Variants in PRRG3 observed in about 807,000 individuals in gnomAD.
PRRG3 encodes proline rich and Gla domain 3.
PRRG3 carries 21 observed loss-of-function variants against 15.8 expected under a neutral mutation model. That is an observed-to-expected ratio of 1.33 (90% CI 0.94 to 1.92). PRRG3 has a LOEUF of 1.92. Among genes scored for constraint, PRRG3 ranks in the 40% most tolerant of loss-of-function variants. PRRG3 has a pLI of 0.00. For synonymous variants in PRRG3, 125 were observed against 84.1 expected (o/e 1.49, Z -2.66); for missense variants, 251 against 200.2 (o/e 1.25, Z -1.53).
At chrX:151,695,061 A>C (rs2014732676), upstream of PRRG3, 1 of 107,838 alleles carries the variant, frequency 9.3e-6, no homozygotes, top group African/African-American at 3.3e-5. Context: ...CCCTCGGCCC[A>C]CTCCGTCGCC....
At position 151,700,535 on chromosome X, in the gene PRRG3, A is replaced by T; in HGVS notation, c.198A>T (p.Ala66=). ...AGTTCTGGAAAGGGTACCCAAATGC[A>T]GTCTACTCTGTCCGAGACCCCTCGC... ...TMEFWKGYPN[A]VYSVRDPSQS... is the part of the protein sequence containing the mutation. The change falls in exon 4 of 4, where the codon GCA becomes GCT. Residue 66 remains alanine, a synonymous_variant. Transcript: ENST00000674457. 8.4e-7 allele frequency: 1 copy of T among 1,196,005 alleles called. No individual in the cohort carries two copies. Among genetic ancestry groups the T allele is most frequent in the African/African-American group, 1.7e-5 (1 of 57,335 alleles).
At chrX:151,695,773 AG>A (rs1736420283) in intron 1 of PRRG3, among the ~76,000 whole-genome samples, 1 of 111,757 alleles carries the variant, frequency 8.9e-6, no homozygotes, top group Admixed American at 9.4e-5. Context: ...CTGAGTGGAA[AG>A]GGACAAGGGG....
chrX:151,699,678 A>G (rs1342931872), intron 2 of PRRG3, among the ~76,000 whole-genome samples: 2 of 112,913 alleles, frequency 1.8e-5, no homozygotes, highest in African/African-American at 6.4e-5. Context: ...CCTACTTACA[A>G]TTCTTATTCT....
At position 151,703,594 on chromosome X, in the gene PRRG3, C is replaced by T. The variant is rs1305890257; in HGVS notation, c.*2561C>T. ...TCCGGTCTGAAAAGAGGAATGTCAC[C>T]TCCCCTCGCAGGGCTGAGTAGCCTG... On this transcript the variant is annotated 3_prime_UTR_variant, in exon 4 of 4. Coordinates refer to ENST00000674457, the MANE Select transcript of PRRG3 (RefSeq NM_001372163.1). 1 of 110,780 alleles carries T rather than the reference C, an allele frequency of 9.0e-6. No individual in the cohort carries two copies. Among genetic ancestry groups the T allele is most frequent in the Non-Finnish European group, 1.9e-5 (1 of 52,992 alleles). The allele number at this position is 110,780 out of a possible 1,213,427, so 9.1% of individuals were successfully genotyped here. A position where few individuals can be genotyped will look rare whatever the true frequency, so the allele number is the denominator to read the frequency against.
chrX:151,699,771 G>A (rs1294854965), intron 2 of PRRG3, among the ~76,000 whole-genome samples: 1 of 112,778 alleles, frequency 8.9e-6, no homozygotes, highest in Non-Finnish European at 1.9e-5. Context: ...ACCTTGTTGG[G>A]GCTGTGGTAT....
Position 151,700,102 on chromosome X carries a change from G to A in PRRG3, c.114G>A (p.Glu38=), listed in dbSNP as rs1425573717. 1.6e-6 allele frequency: 2 copies of A among 1,212,170 alleles called. No homozygotes were observed. The highest frequency in any genetic ancestry group is 1.1e-6 in the Non-Finnish European group (1 of 895,621). Residue 38 remains glutamate (E), a synonymous_variant, in exon 3 of 4, where the codon GAG becomes GAA. Coordinates refer to ENST00000674457, the MANE Select transcript of PRRG3 (RefSeq NM_001372163.1). ...GCACCATCGAGCGAGAGTGCATGGA[G>A]GAGATCTGCAGCTACGAGGAGGTCA... ...RQGTIERECM[E]EICSYEEVKE...
At chrX:151,695,395 A>T (rs1328931097), upstream of PRRG3, 1 of 66,686 alleles carries the variant, frequency 1.5e-5, no homozygotes, top group Non-Finnish European at 2.9e-5. Context: ...GAGGGGAGGA[A>T]GGGAGGGAGG....
At position 151,700,910 on chromosome X, in the gene PRRG3, C is replaced by G; in HGVS notation, c.573C>G (p.Pro191=). 3 of 1,210,849 alleles carry G rather than the reference C, an allele frequency of 2.5e-6. No individual in the cohort carries two copies. Among genetic ancestry groups the G allele is most frequent in the South Asian group, 3.5e-5 (2 of 56,840 alleles). Residue 191 remains proline, a synonymous_variant, in exon 4 of 4, where the codon CCC becomes CCG. Coordinates refer to ENST00000674457, the MANE Select transcript of PRRG3 (RefSeq NM_001372163.1). The stretch of plus-strand genomic sequence containing the variant: ...CCAGACTGTCCAGCACCACCCCTCC[C>G]CCCTCCTACGAGGAGGTGACTGCGC... ...SLSRLSSTTP[P]PSYEEVTAPQ... is the part of the protein sequence containing the mutation.
rs1432373909 is a variant in PRRG3 at position 151,702,174 on chromosome X, C to G, written c.*1141C>G. ...CATCCTCCTGACCTCAACACCAAAC[C>G]ATTTCTCCTCTGTGGTGCTTTAAAA... is the stretch of plus-strand genomic sequence containing the variant. On this transcript the variant is annotated 3_prime_UTR_variant, in exon 4 of 4. Coordinates refer to ENST00000674457, the MANE Select transcript of PRRG3 (RefSeq NM_001372163.1). 8.9e-6 allele frequency: 1 copy of G among 112,295 alleles called. No individual in the cohort carries two copies. Among genetic ancestry groups the G allele is most frequent in the African/African-American group, 3.2e-5 (1 of 30,873 alleles). The allele number at this position is 112,295 out of a possible 1,213,427, so 9.3% of individuals were successfully genotyped here.
At chrX:151,694,868 T>G (rs2014728155), upstream of PRRG3, among the ~76,000 whole-genome samples, 1 of 111,169 alleles carries the variant, frequency 9.0e-6, no homozygotes, top group African/African-American at 3.2e-5. Context: ...ACGCCTTGGG[T>G]CACGACTGGA....
In PRRG3 at chrX:151,704,203, C is replaced by G. The variant is rs1368630596; in HGVS notation, c.*3170C>G. On this transcript the variant is annotated 3_prime_UTR_variant, in exon 4 of 4. Transcript: ENST00000674457. ...GGGGTGCACAGGTGCCTGGCGTGTACACACCACCCACACAGCTGCGTCCAG... is the reference window on the plus strand; with the variant it reads ...GGGGTGCACAGGTGCCTGGCGTGTAGACACCACCCACACAGCTGCGTCCAG... 3 of 109,612 alleles carry G rather than the reference C, an allele frequency of 2.7e-5. No homozygotes were observed. The highest frequency in any genetic ancestry group is 1.0e-4 in the African/African-American group (3 of 30,062). 9.0% of individuals were successfully genotyped at this position (109,612 alleles called of 1,213,427 possible).
intron 1 of PRRG3, among the ~76,000 whole-genome samples, chrX:151,696,838 A>G (rs1290100173): frequency 1.8e-5 from 2 of 111,734 alleles, no homozygotes; most frequent in African/African-American, 6.5e-5. Flanking sequence ...CTCACAAGGC[A>G]GGCCATCTGT....
chrX:151,700,655 G>A lies in PRRG3; in HGVS notation c.318G>A (p.Gln106=), dbSNP rs150201138. Reference sequence around the variant, plus strand: ...TCATCATCTGGAGGTGCCAGCTGCAGAAAGCGACCCGTCACCACCCCTCCT... The same window carrying A: ...TCATCATCTGGAGGTGCCAGCTGCAAAAAGCGACCCGTCACCACCCCTCCT... The part of the protein sequence containing the change: ...ALFIIWRCQL[Q]KATRHHPSYA... Residue 106 remains glutamine (Q), a synonymous_variant, in exon 4 of 4, where the codon CAG becomes CAA. Transcript: ENST00000674457. 13,380 of 1,209,332 alleles carry A rather than the reference G, an allele frequency of 0.011. 69 individuals carry two copies. The highest frequency in any genetic ancestry group is 0.034 in the Middle Eastern group (146 of 4,353).
At position 151,701,081 on chromosome X, in the gene PRRG3, C is replaced by T. The variant is rs2014875305; in HGVS notation, c.*48C>T. ...GGATGAACGCCTCTTTCCGAGGTCT[C>T]CTATTTTCTTTTTAACTTTTTAAAG... On this transcript the variant is annotated 3_prime_UTR_variant, in exon 4 of 4. Coordinates refer to ENST00000674457, the MANE Select transcript of PRRG3 (RefSeq NM_001372163.1). The T allele has an allele frequency of 9.5e-7, 1 of 1,047,819 alleles. No individual in the cohort carries two copies. Among genetic ancestry groups the T allele is most frequent in the Admixed American group, 3.2e-5 (1 of 30,927 alleles). 86.4% of individuals were successfully genotyped at this position (1,047,819 alleles called of 1,213,427 possible). A position where few individuals can be genotyped will look rare whatever the true frequency, so the allele number is the denominator to read the frequency against.
At chrX:151,698,968 C>A in intron 2 of PRRG3, 147 bp downstream of exon 2, 1 of 478,208 alleles carries the variant, frequency 2.1e-6, no homozygotes, top group South Asian at 3.9e-5. Context: ...GCAGTTTTGC[C>A]CTCTCAACTC....
chrX:151,704,178 G>T lies in PRRG3; in HGVS notation c.*3145G>T, dbSNP rs2014942740. The T allele has an allele frequency of 9.1e-6, 1 of 109,651 alleles. No individual in the cohort carries two copies. Among genetic ancestry groups the T allele is most frequent in the Non-Finnish European group, 1.9e-5 (1 of 52,716 alleles). The allele number at this position is 109,651 out of a possible 1,213,427, so 9.0% of individuals were successfully genotyped here. A position where few individuals can be genotyped will look rare whatever the true frequency, so the allele number is the denominator to read the frequency against. ...AAAATGAAAGCACAAGTGCAAGAGT[G>T]GGGTGCACAGGTGCCTGGCGTGTAC... On this transcript the variant is annotated 3_prime_UTR_variant, in exon 4 of 4. Coordinates refer to ENST00000674457, the MANE Select transcript of PRRG3 (RefSeq NM_001372163.1).
At position 151,705,493 on chromosome X, in the gene PRRG3, G is replaced by C. The variant is rs1203799121; in HGVS notation, c.*4460G>C. The C allele has an allele frequency of 6.6e-6, 2 of 303,416 alleles. No individual in the cohort carries two copies. The highest frequency in any genetic ancestry group is 1.3e-5 in the Non-Finnish European group (2 of 150,330). 25.0% of individuals were successfully genotyped at this position (303,416 alleles called of 1,213,427 possible). ...CCTGCCCTTCACCCACCCCCAGCCC[G>C]AGCATTAACACAGATCTTCAGGATT... On this transcript the variant is annotated 3_prime_UTR_variant, in exon 4 of 4. Transcript: ENST00000674457.
In PRRG3 at chrX:151,702,032, G is replaced by T. The variant is rs1414822838; in HGVS notation, c.*999G>T. Reference sequence around the variant, plus strand: ...TATGGGGTTTGCTCTGCTGTTGCCAGGTGCCAGTCTGTTTTCAGTGAGGCT... The same window carrying T: ...TATGGGGTTTGCTCTGCTGTTGCCATGTGCCAGTCTGTTTTCAGTGAGGCT... On this transcript the variant is annotated 3_prime_UTR_variant, in exon 4 of 4. Coordinates refer to ENST00000674457, the MANE Select transcript of PRRG3 (RefSeq NM_001372163.1). 8.9e-6 allele frequency: 1 copy of T among 112,087 alleles called. No individual in the cohort carries two copies. Among genetic ancestry groups the T allele is most frequent in the African/African-American group, 3.2e-5 (1 of 30,780 alleles). 9.2% of individuals were successfully genotyped at this position (112,087 alleles called of 1,213,427 possible). A position where few individuals can be genotyped will look rare whatever the true frequency, so the allele number is the denominator to read the frequency against.
At chrX:151,694,914 G>T (rs1048632925), upstream of PRRG3, among the ~76,000 whole-genome samples, 2 of 110,836 alleles carry the variant, frequency 1.8e-5, no homozygotes, top group African/African-American at 6.5e-5. Flanking sequence ...GTGTGCCCCA[G>T]GCCCGCCAGT....
Sources: gnomAD v4.1 joint callset for allele counts (sites outside exome capture counted in the v4.1 genomes callset) on GRCh38, gnomAD v4.1.1 for gene constraint, MANE v1.5 for transcripts, NCBI Gene and HGNC (gene_info 2026-07-23, HGNC 2026-07-21) for gene names.